The following UVSSA variants were observed in gnomAD, a reference collection of about 807,000 sequenced individuals.
UVSSA encodes the protein UV stimulated scaffold protein A, also known as UV-stimulated scaffold protein A.
A neutral mutation model predicts 73.9 loss-of-function variants in UVSSA; 72 were observed. The observed-to-expected ratio is 0.97, with a 90% CI of 0.81 to 1.19. The LOEUF (loss-of-function observed/expected upper bound fraction) is 1.19. Ranked by LOEUF, UVSSA falls within the 50% of genes most tolerant of loss-of-function variation. The pLI is 0.00. For missense variants in UVSSA, 1,150 were observed against 965.0 expected (o/e 1.19, Z -2.54); for synonymous variants, 454 against 391.3 (o/e 1.16, Z -1.89).
rs771758216 is a variant in UVSSA, at chr4:1,375,512, A to G, written c.1433+4A>G. ...TGCCTCCACCCTCATCTGCCAGGTG[A>G]CTCCCAGTGTCCTGTGTGCTGAGCC... On this transcript the variant is annotated splice_donor_region_variant and intron_variant, in intron 9 of 13. Coordinates refer to ENST00000389851, the MANE Select transcript of UVSSA (RefSeq NM_020894.4). 3 of 1,607,764 alleles carry G rather than the reference A, an allele frequency of 1.9e-6. No individual in the cohort carries two copies. The highest frequency in any genetic ancestry group is 1.3e-5 in the African/African-American group (1 of 74,734).
chr4:1,343,800 T>A (rs1315330503), upstream of UVSSA, among the ~76,000 whole-genome samples: 1 of 151,800 alleles, frequency 6.6e-6, no homozygotes, highest in East Asian at 1.9e-4. Context: ...AAAAAAAAAG[T>A]ATTTATAGAA....
chr4:1,383,331 C>A (rs1719717536), intron 12 of UVSSA, among the ~76,000 whole-genome samples: 1 of 152,208 alleles, frequency 6.6e-6, no homozygotes. Context: ...TCCAGCAGGG[C>A]CACAGTTTGC....
At position 1,349,755 on chromosome 4, in the gene UVSSA, G is replaced by A. The variant is rs776624632; in HGVS notation, c.330G>A (p.Arg110=). 3 of 1,611,180 alleles carry A rather than the reference G, an allele frequency of 1.9e-6. No homozygotes were observed. Among genetic ancestry groups the A allele is most frequent in the South Asian group, 2.2e-5 (2 of 90,962 alleles). Residue 110 remains arginine (R), a synonymous_variant, in exon 3 of 14, where the codon AGG becomes AGA. Transcript: ENST00000389851. The part of the protein sequence containing the change: ...PPPREAAQRL[R]QATTRAVEGW... ...CCAGGGAGGCGGCACAGAGGCTGAG[G>A]CAGGCGACCACCCGGGCCGTGGAAG...
chr4:1,353,300 A>G lies in UVSSA; in HGVS notation c.821A>G (p.Gln274Arg), dbSNP rs1164801884. ...GCGGGCGGCGGGGCACAGCCATCCC[A>G]GACAGCCACAGGTGACCCCTCAGAT... ...PRAGGGAQPS[Q>R]TATGDPSDED... Residue 274 changes from glutamine to arginine, a missense_variant, in exon 5 of 14, where the codon CAG becomes CGG. Transcript: ENST00000389851. The G allele has an allele frequency of 6.2e-7, 1 of 1,611,466 alleles. No individual in the cohort carries two copies. The highest frequency in any genetic ancestry group is 1.1e-5 in the South Asian group (1 of 91,072).
At chr4:1,376,794 G>T (rs1272518613) in intron 10 of UVSSA, among the ~76,000 whole-genome samples, 1 of 152,164 alleles carries the variant, frequency 6.6e-6, no homozygotes, top group Non-Finnish European at 1.5e-5. Flanking sequence ...GGGGGAACAG[G>T]GCCCCTGCCG....
chr4:1,366,086 AC>A (rs1717283776), intron 7 of UVSSA: 1 of 366,662 alleles, frequency 2.7e-6, no homozygotes, highest in African/African-American at 2.1e-5. Context: ...CGTGGTTTTA[AC>A]ATAGACTCTA....
chr4:1,374,620 G>T (rs1370050255), intron 8 of UVSSA, among the ~76,000 whole-genome samples: 1 of 152,230 alleles, frequency 6.6e-6, no homozygotes, highest in Non-Finnish European at 1.5e-5. Flanking sequence ...TGGCGGCGGG[G>T]CGGACCCTCT....
At position 1,353,086 on chromosome 4, in the gene UVSSA, C is replaced by A. The variant is rs762894740; in HGVS notation, c.607C>A (p.Leu203Met). 2.5e-6 allele frequency: 4 copies of A among 1,612,926 alleles called. No homozygotes were observed. The highest frequency in any genetic ancestry group is 3.4e-6 in the Non-Finnish European group (4 of 1,179,992). ...GGAGGTAGAGAGCTGCTTTAGGCTG[C>A]TGGTGCCTTTTGACTTTGACCCGAA... The part of the protein sequence containing the change: ...LTEVESCFRL[L>M]VPFDFDPNPE... The change falls in exon 5 of 14, where the codon CTG (leucine) becomes ATG (methionine). Residue 203 changes from leucine (L) to methionine (M), a missense_variant. Transcript: ENST00000389851.
At chr4:1,356,617 G>C (rs1225981065) in intron 7 of UVSSA, 1 of 152,310 alleles carries the variant, frequency 6.6e-6, no homozygotes, top group African/African-American at 2.4e-5. Flanking sequence ...AGTGCCGTCA[G>C]CATGTCAAGA....
chr4:1,395,724 T>C (rs754552902), exon 14 of UVSSA: 2 of 1,614,088 alleles, frequency 1.2e-6, no homozygotes, highest in South Asian at 1.1e-5. Context: ...GGCATGGTGG[T>C]TCTGTAGGTT....
In UVSSA at chr4:1,380,982, C is replaced by A. The variant is rs773440709; in HGVS notation, c.1855C>A (p.Arg619Ser). The change falls in exon 12 of 14, where the codon CGC (arginine) becomes AGC (serine). Residue 619 changes from arginine (R) to serine (S), a missense_variant. Transcript: ENST00000389851. ...EQRRQLQKQE[R>S]PEWQDPELMR... ...GCGGCGGCAGCTGCAGAAGCAGGAG[C>A]GCCCGGGTAGGTCTGGGCAAGGCGG... 4 of 1,612,100 alleles carry A rather than the reference C, an allele frequency of 2.5e-6. No individual in the cohort carries two copies. Among genetic ancestry groups the A allele is most frequent in the Non-Finnish European group, 3.4e-6 (4 of 1,179,754 alleles).
chr4:1,375,960 G>C, intron 9 of UVSSA, 74 bp from the exon 10 acceptor site: 1 of 1,543,794 alleles, frequency 6.5e-7, no homozygotes, highest in East Asian at 2.4e-5. Context: ...TTGCTGTGGG[G>C]GTGGGGAGGG....
chr4:1,383,998 G>A (rs1719816910), intron 13 of UVSSA, 58 bp downstream of exon 13: 12 of 1,526,244 alleles, frequency 7.9e-6, no homozygotes, highest in East Asian at 2.3e-5. Flanking sequence ...GAGGGTGTTC[G>A]AGGGGGGCCA....
upstream of UVSSA, among the ~76,000 whole-genome samples, chr4:1,343,850 TTCCTTTCATCTGAAGAGCA>T (rs1322681987): frequency 2.9e-4 from 44 of 152,258 alleles, no homozygotes; most frequent in African/African-American, 1.1e-3. Context: ...TGGTATCATT[TTCCTTTCATCTGAAGAGCA>T]TCCTATAACA....
rs80010235 is a variant in UVSSA, at chr4:1,395,184, G to A, written c.*9223G>A. The A allele has an allele frequency of 1.8e-5, 25 of 1,358,650 alleles. 2 individuals are homozygous for A. The highest frequency in any genetic ancestry group is 9.3e-5 in the South Asian group (7 of 75,524). 84.2% of individuals were successfully genotyped at this position (1,358,650 alleles called of 1,614,324 possible). ...GAGTGTTCGCCTGCTCACACGTGCC[G>A]ATGCGGAGTGCCCGCCTGCTCACAC... On this transcript the variant is annotated 3_prime_UTR_variant, in exon 14 of 14. Coordinates refer to the UVSSA transcript ENST00000511216.
Position 1,385,851 on chromosome 4 carries a change from G to C in UVSSA, c.2037-17G>C, listed in dbSNP as rs756087869. 8 of 1,613,784 alleles carry C rather than the reference G, an allele frequency of 5.0e-6. No individual in the cohort carries two copies. In the African/African-American group the frequency reaches 5.3e-5, roughly 11 times the overall value. On this transcript the variant is annotated splice_polypyrimidine_tract_variant and intron_variant, in intron 13 of 13. Coordinates refer to ENST00000389851, the MANE Select transcript of UVSSA (RefSeq NM_020894.4). ...GCGGAAGCCTCCCAGGTCACATCTT[G>C]CCTTGTTTCCCCACAGGGCAGCTGT...
At chr4:1,381,174 G>A (rs1021453730) in intron 12 of UVSSA, among the ~76,000 whole-genome samples, 186 bp downstream of exon 12, 2 of 152,188 alleles carry the variant, frequency 1.3e-5, no homozygotes, top group African/African-American at 2.4e-5. Flanking sequence ...CTGGGTTTGG[G>A]GGCTCCAGAG....
intron 7 of UVSSA, among the ~76,000 whole-genome samples, chr4:1,364,047 C>A (rs879448562): frequency 1.8e-3 from 17 of 9,380 alleles, no homozygotes; most frequent in East Asian, 5.5e-3. Flanking sequence ...GCCCCGTGGC[C>A]TTGTGTGGCC....
Position 1,354,731 on chromosome 4 carries a change from C to G in UVSSA, c.935-4C>G. The G allele has an allele frequency of 1.9e-6, 3 of 1,612,484 alleles. No individual in the cohort carries two copies. Among genetic ancestry groups the G allele is most frequent in the East Asian group, 2.2e-5 (1 of 44,796 alleles). On this transcript the variant is annotated splice_region_variant and splice_polypyrimidine_tract_variant and intron_variant, in intron 5 of 13. Coordinates refer to ENST00000389851, the MANE Select transcript of UVSSA (RefSeq NM_020894.4). ...TCTTGTGACCTCTGTGTGCTTCTCCCCAGAGGGCCTGAAGGTGCAGGAGAA... is the reference window on the plus strand; with the variant it reads ...TCTTGTGACCTCTGTGTGCTTCTCCGCAGAGGGCCTGAAGGTGCAGGAGAA...
Sources: allele counts gnomAD v4.1 joint callset (sites outside exome capture counted in the v4.1 genomes callset), GRCh38; gene constraint gnomAD v4.1.1; transcripts MANE v1.5; gene names NCBI Gene and HGNC (gene_info 2026-07-23, HGNC 2026-07-21).